The following PSMG2 variants were observed in gnomAD, a reference collection of about 807,000 sequenced individuals.
PSMG2 encodes proteasome assembly chaperone 2, also known as CD40 ligand-activated specific transcript 3.
In PSMG2, 21 loss-of-function variants were observed where a neutral mutation model predicts 31.5. The observed-to-expected ratio is 0.67, with a 90% CI of 0.47 to 0.96. The LOEUF (loss-of-function observed/expected upper bound fraction) is 0.96, where lower values mean the gene tolerates loss of function less well. PSMG2 is among the 40% of genes least tolerant of loss of function. The pLI, the probability that PSMG2 is intolerant of heterozygous loss-of-function variation, is 0.00. For missense variants in PSMG2, 318 were observed against 321.2 expected (o/e 0.99, Z 0.08); for synonymous variants, 120 against 110.4 (o/e 1.09, Z -0.54).
chr18:12,718,683 G>T, intron 4 of PSMG2, 48 bp downstream of exon 4: 1 of 1,326,616 alleles, frequency 7.5e-7, no homozygotes, highest in South Asian at 1.5e-5. Flanking sequence ...TTTATACTAT[G>T]ATAATTTCTC....
Position 12,711,750 on chromosome 18 carries a change from CTTTTTTT to C in PSMG2, c.230-937_230-931del, listed in dbSNP as rs34631690. Among the ~76,000 whole-genome samples the C allele has an allele frequency of 7.2e-5, 7 of 97,572 alleles. 1 individual carries two copies. The highest frequency in any genetic ancestry group is 2.8e-4 in the African/African-American group (7 of 24,772). The allele number at this position is 97,572 out of a possible 152,430, so 64.0% of individuals were successfully genotyped here. Reference sequence around the variant, plus strand: ...ATCCCTGACTCAGGAGCTTCTCATTCTTTTTTTTTTTTTTTTTTTTTGAGATGGAGTC... The same window carrying C: ...ATCCCTGACTCAGGAGCTTCTCATTCTTTTTTTTTTTTTTGAGATGGAGTC... On this transcript the variant is annotated intron_variant, in intron 2 of 6. Transcript: ENST00000317615.
At chr18:12,718,969 T>G (rs2040404069) in intron 4 of PSMG2, among the ~76,000 whole-genome samples, 1 of 152,260 alleles carries the variant, frequency 6.6e-6, no homozygotes, top group Admixed American at 6.5e-5. Flanking sequence ...TACTCAAGAT[T>G]TATAAAGTTG....
chr18:12,706,534 T>G lies in PSMG2; in HGVS notation c.58-16T>G. On this transcript the variant is annotated splice_polypyrimidine_tract_variant and intron_variant, in intron 1 of 6. Transcript: ENST00000317615. Reference sequence around the variant, plus strand: ...TAATTTTGGTGACTTACTGAACATATCTTTTATAATTTCAGCCAGCAGTAT... The same window carrying G: ...TAATTTTGGTGACTTACTGAACATAGCTTTTATAATTTCAGCCAGCAGTAT... 6.2e-7 allele frequency: 1 copy of G among 1,612,472 alleles called. No individual in the cohort carries two copies. The highest frequency in any genetic ancestry group is 8.5e-7 in the Non-Finnish European group (1 of 1,179,588).
chr18:12,685,954 TA>T (rs2039525685), intron 1 of PSMG2: 1 of 188,444 alleles, frequency 5.3e-6, no homozygotes, highest in Non-Finnish European at 1.1e-5. Flanking sequence ...ATTTTATATA[TA>T]ACCTAAGCAC....
chr18:12,718,489 C>A lies in PSMG2; in HGVS notation c.289-28C>A, dbSNP rs149852307. 2.8e-3 allele frequency: 4,044 copies of A among 1,434,666 alleles called. 36 individuals carry two copies. The highest frequency in any genetic ancestry group is 0.019 in the Middle Eastern group (103 of 5,554). The allele number at this position is 1,434,666 out of a possible 1,614,324, so 88.9% of individuals were successfully genotyped here. Reference sequence around the variant, plus strand: ...GCTCTAAGACTAACTTTTAGATTTTCTTTTTATTCTCTCAATGGTGTGCAA... The same window carrying A: ...GCTCTAAGACTAACTTTTAGATTTTATTTTTATTCTCTCAATGGTGTGCAA... On this transcript the variant is annotated intron_variant, in intron 3 of 6. Coordinates refer to ENST00000317615, the MANE Select transcript of PSMG2 (RefSeq NM_020232.5).
chr18:12,659,528 A>C (rs1014110026), intron 1 of PSMG2, among the ~76,000 whole-genome samples: 3 of 151,942 alleles, frequency 2.0e-5, no homozygotes, highest in African/African-American at 7.3e-5. Context: ...AAATTAGCCG[A>C]GTGTGGTGAC....
chr18:12,678,469 T>C, intron 1 of PSMG2: 2 of 1,469,080 alleles, frequency 1.4e-6, no homozygotes, highest in Non-Finnish European at 9.2e-7. Flanking sequence ...ATTTTATATA[T>C]GAGAACTTAA....
In PSMG2 at chr18:12,669,115, G is replaced by A. The variant is rs1260447751; in HGVS notation, c.-37+10342G>A. On this transcript the variant is annotated intron_variant, in intron 1 of 6. Transcript: ENST00000585331. ...GTGCAGTGGTGTGATCTCAGCTCACGGCAACCTCTTTTTTTTTGAGACAGA... is the reference window on the plus strand; with the variant it reads ...GTGCAGTGGTGTGATCTCAGCTCACAGCAACCTCTTTTTTTTTGAGACAGA... Among the ~76,000 whole-genome samples the A allele has an allele frequency of 1.1e-4, 12 of 113,784 alleles. 1 individual carries two copies. The highest frequency in any genetic ancestry group is 3.1e-4 in the Admixed American group (3 of 9,652). 74.6% of individuals were successfully genotyped at this position (113,784 alleles called of 152,430 possible).
At chr18:12,724,269 G>T in intron 5 of PSMG2, 1 of 421,384 alleles carries the variant, frequency 2.4e-6, no homozygotes, top group Non-Finnish European at 4.2e-6. Context: ...TTTTCATGCA[G>T]CCATGGGGTG....
chr18:12,703,295 A>G (rs947562480), intron 1 of PSMG2, 131 bp downstream of exon 1: 33 of 1,105,326 alleles, frequency 3.0e-5, no homozygotes, highest in Non-Finnish European at 4.2e-5. Context: ...TTCGGCCGGA[A>G]AAAACAGGGA....
intron 5 of PSMG2, 93 bp downstream of exon 5, chr18:12,720,776 G>C: frequency 7.8e-7 from 1 of 1,284,222 alleles, no homozygotes; most frequent in Non-Finnish European, 1.1e-6. Context: ...CTCTAGCCTG[G>C]GTGACAGAGC....
At position 12,718,642 on chromosome 18, in the gene PSMG2, T is replaced by C; in HGVS notation, c.407+7T>C. ...ATGATCTGCAGCTTCGTAGGTATGT[T>C]TCTGCCTCTGGAAAGTTATTTTTGG... On this transcript the variant is annotated splice_region_variant and intron_variant, in intron 4 of 6. Coordinates refer to ENST00000317615, the MANE Select transcript of PSMG2 (RefSeq NM_020232.5). The C allele has an allele frequency of 6.3e-7, 1 of 1,577,362 alleles. No individual in the cohort carries two copies. The highest frequency in any genetic ancestry group is 8.6e-7 in the Non-Finnish European group (1 of 1,156,912).
intron 2 of PSMG2, among the ~76,000 whole-genome samples, chr18:12,711,764 T>TC (rs2040334464): frequency 6.7e-6 from 1 of 148,154 alleles, no homozygotes; most frequent in Non-Finnish European, 1.5e-5. Context: ...TTTTTTTTTT[T>TC]TTTTTTTGAG....
intron 3 of PSMG2, among the ~76,000 whole-genome samples, chr18:12,714,785 A>G (rs1169561243): frequency 6.6e-6 from 1 of 152,014 alleles, no homozygotes; most frequent in African/African-American, 2.4e-5. Context: ...AGCTCACTGC[A>G]ACCTCCGCCT....
At chr18:12,678,923 G>C (rs947699002) in intron 1 of PSMG2, 1 of 151,972 alleles carries the variant, frequency 6.6e-6, no homozygotes, top group Non-Finnish European at 1.5e-5. Context: ...TGAGCAACAA[G>C]GGCGAAACTC....
intron 1 of PSMG2, among the ~76,000 whole-genome samples, chr18:12,666,433 A>ATGGTTTTTTTTTTTTTTTTTTTTTT (rs2038803200): frequency 7.7e-6 from 1 of 129,260 alleles, no homozygotes; most frequent in Non-Finnish European, 1.7e-5. Context: ...ACAAAATTTT[A>ATGGTTTTTTTTTTTTTTTTTTTTTT]TGGTTTTTTT....
At chr18:12,662,118 C>G (rs1218284778) in intron 1 of PSMG2, 1 of 447,828 alleles carries the variant, frequency 2.2e-6, no homozygotes, top group Non-Finnish European at 4.5e-6. Flanking sequence ...ACTGTGCAGC[C>G]CAAGCTTTTC....
chr18:12,691,585 CCTAAT>C, intron 1 of PSMG2: 1 of 829,482 alleles, frequency 1.2e-6, no homozygotes, highest in South Asian at 2.0e-5. Flanking sequence ...TCATTACCAC[CCTAAT>C]CTGAGTCATC....
At chr18:12,686,961 A>G (rs1005940355) in intron 1 of PSMG2, among the ~76,000 whole-genome samples, 9 of 152,202 alleles carry the variant, frequency 5.9e-5, no homozygotes, top group Admixed American at 2.6e-4. Flanking sequence ...AACCAAGTCA[A>G]TTGAAAGCAA....
Sources: allele counts gnomAD v4.1 joint callset (sites outside exome capture counted in the v4.1 genomes callset), GRCh38; gene constraint gnomAD v4.1.1; transcripts MANE v1.5; gene names NCBI Gene and HGNC (gene_info 2026-07-23, HGNC 2026-07-21).